Variants in BBS4 observed in about 807,000 individuals in gnomAD.
BBS4 encodes the protein Bardet-Biedl syndrome 4, also known as BBSome complex member BBS4.
A neutral mutation model predicts 71.4 loss-of-function variants in BBS4; 58 were observed. The observed-to-expected ratio is 0.81, with a 90% confidence interval of 0.66 to 1.01. The LOEUF (loss-of-function observed/expected upper bound fraction) is 1.01. BBS4 is among the 50% of genes least tolerant of loss of function. The probability of loss-of-function intolerance (pLI) is 0.00; values close to 1 mark genes in which losing one functional copy is unlikely to be tolerated. For synonymous variants in BBS4, 228 were observed against 216.8 expected (o/e 1.05, Z -0.46); for missense variants, 660 against 607.9 (o/e 1.09, Z -0.90).
In BBS4 at chr15:72,708,796, A is replaced by T. The variant is rs565309750; in HGVS notation, c.77-904A>T. On this transcript the variant is annotated intron_variant, in intron 2 of 15. Transcript: ENST00000268057. ...AGGGCATGTCTGTCTTATGCTGTTGACATAAGGACTGAAATACACCCTGGT... is the reference window on the plus strand; with the variant it reads ...AGGGCATGTCTGTCTTATGCTGTTGTCATAAGGACTGAAATACACCCTGGT... Among the ~76,000 whole-genome samples the T allele has an allele frequency of 3.3e-4, 51 of 152,280 alleles. No individual in the cohort carries two copies. In the South Asian group the frequency reaches 3.5e-3, roughly 11 times the overall value.
At chr15:72,719,489 C>T (rs1487931965) in intron 6 of BBS4, among the ~76,000 whole-genome samples, 1 of 151,898 alleles carries the variant, frequency 6.6e-6, no homozygotes, top group African/African-American at 2.4e-5. Context: ...TCAAGTGATC[C>T]TCCTGCTTTA....
chr15:72,737,093 G>GA (rs978553325), intron 15 of BBS4, 130 bp downstream of exon 15: 107 of 1,153,526 alleles, frequency 9.3e-5, no homozygotes, highest in Middle Eastern at 2.8e-4. Flanking sequence ...CACAAGGGGA[G>GA]AAAAAAAACA....
intron 4 of BBS4, among the ~76,000 whole-genome samples, chr15:72,714,204 A>T (rs1360454678): frequency 6.6e-6 from 1 of 150,858 alleles, no homozygotes; most frequent in Non-Finnish European, 1.5e-5. Flanking sequence ...AACCAAAGAT[A>T]AGGACCACTC....
intron 12 of BBS4, 46 bp downstream of exon 12, chr15:72,731,772 G>A (rs745808118): frequency 6.2e-6 from 10 of 1,606,216 alleles, no homozygotes; most frequent in Non-Finnish European, 8.5e-6. Context: ...TCTGTAATGA[G>A]GGAAAAATGG....
At chr15:72,716,320 C>T (rs761675448) in intron 5 of BBS4, among the ~76,000 whole-genome samples, 6 of 152,138 alleles carry the variant, frequency 3.9e-5, no homozygotes, top group Non-Finnish European at 8.8e-5. Context: ...GCCATTCATA[C>T]CTGTGTTGTT....
intron 3 of BBS4, among the ~76,000 whole-genome samples, chr15:72,710,195 G>GTTCT (rs1239689474): frequency 0.44 from 45,296 of 102,478 alleles, 12,978 homozygotes; most frequent in Non-Finnish European, 0.55. Flanking sequence ...ATTTTGTCGA[G>GTTCT]TTTTTTTTTT....
chr15:72,696,410 C>T (rs568522420), intron 2 of BBS4, among the ~76,000 whole-genome samples: 61 of 152,132 alleles, frequency 4.0e-4, no homozygotes, highest in Middle Eastern at 3.4e-3. Context: ...TTCTGAGTTT[C>T]GACAAATGAA....
chr15:72,729,800 G>C, intron 10 of BBS4, 116 bp downstream of exon 10: 1 of 839,390 alleles, frequency 1.2e-6, no homozygotes, highest in Non-Finnish European at 2.0e-6. Flanking sequence ...CTGAGAAATA[G>C]AAAAAATATA....
intron 3 of BBS4, among the ~76,000 whole-genome samples, chr15:72,711,878 T>C (rs1410298851): frequency 6.6e-6 from 1 of 152,096 alleles, no homozygotes; most frequent in Non-Finnish European, 1.5e-5. Context: ...TTGTTTTCTT[T>C]TTTTTTTCAG....
At chr15:72,719,831 C>CCT (rs1040121347) in intron 6 of BBS4, among the ~76,000 whole-genome samples, 4 of 150,170 alleles carry the variant, frequency 2.7e-5, no homozygotes, top group African/African-American at 9.8e-5. Context: ...CTCACTGCAA[C>CCT]CTCTGCCTCC....
intron 9 of BBS4, 125 bp downstream of exon 9, chr15:72,728,119 A>G (rs1354194334): frequency 5.6e-6 from 4 of 712,252 alleles, no homozygotes; most frequent in African/African-American, 5.3e-5. Context: ...CATGAACTAC[A>G]CTCTCTCTAT....
chr15:72,690,004 G>A (rs2064955945), intron 1 of BBS4, among the ~76,000 whole-genome samples: 1 of 151,988 alleles, frequency 6.6e-6, no homozygotes, highest in African/African-American at 2.4e-5. Context: ...TAGAGACGGG[G>A]TTTCACCGTG....
In BBS4 at chr15:72,686,251, G is replaced by A; in HGVS notation, c.24G>A (p.Thr8=). The A allele has an allele frequency of 6.4e-7, 1 of 1,565,322 alleles. No individual in the cohort carries two copies. The highest frequency in any genetic ancestry group is 1.4e-5 in the African/African-American group (1 of 73,856). ...AAATGGCTGAGGAGAGAGTCGCGAC[G>A]GTGAGCGCCGAGATTCTCTTTAGTT... MAEERVA[T]RTQFPVSTES... is the part of the protein sequence containing the mutation. Residue 8 remains threonine, a splice_region_variant and synonymous_variant, in exon 1 of 16, where the codon ACG becomes ACA. Coordinates refer to ENST00000268057, the MANE Select transcript of BBS4 (RefSeq NM_033028.5).
At chr15:72,726,911 C>A (rs2065713108) in intron 8 of BBS4, among the ~76,000 whole-genome samples, 1 of 152,312 alleles carries the variant, frequency 6.6e-6, no homozygotes, top group East Asian at 1.9e-4. Context: ...GAAATGTGGA[C>A]AGCTAAAATC....
intron 2 of BBS4, among the ~76,000 whole-genome samples, chr15:72,708,060 A>G (rs2065296982): frequency 6.6e-6 from 1 of 151,134 alleles, no homozygotes; most frequent in Non-Finnish European, 1.5e-5. Flanking sequence ...TCCTTCTCCC[A>G]GGTTCAAGTG....
chr15:72,712,185 C>G (rs914493265), intron 3 of BBS4, 59 bp from the exon 4 acceptor site: 5 of 1,540,062 alleles, frequency 3.2e-6, no homozygotes, highest in Non-Finnish European at 4.5e-6. Context: ...TCCACTTTTT[C>G]TTAAAGACAC....
intron 12 of BBS4, 80 bp downstream of exon 12, chr15:72,731,806 G>C: frequency 6.4e-7 from 1 of 1,555,074 alleles, no homozygotes; most frequent in Non-Finnish European, 8.8e-7. Context: ...AAGATCAGTG[G>C]CTGTCTCATA....
intron 15 of BBS4, 107 bp downstream of exon 15, chr15:72,737,070 A>G: frequency 7.4e-7 from 1 of 1,349,212 alleles, no homozygotes; most frequent in South Asian, 1.2e-5. Flanking sequence ...CATATGTCCA[A>G]CGTAGTATTG....
rs111879777 is a variant in BBS4, at chr15:72,720,220, T to C, written c.406-2574T>C. 9.7e-3 allele frequency among the ~76,000 whole-genome samples: 1,482 copies of C among 152,058 alleles called. 29 individuals carry two copies. Among genetic ancestry groups the C allele is most frequent in the African/African-American group, 0.034 (1,398 of 41,490 alleles). On this transcript the variant is annotated intron_variant, in intron 6 of 15. Coordinates refer to ENST00000268057, the MANE Select transcript of BBS4 (RefSeq NM_033028.5). ...ATAGTAGCTGGAGCATGGTGGCTCA[T>C]ACCTGTAATACCAGCACTTTAAAAG...
Sources: allele counts gnomAD v4.1 joint callset (sites outside exome capture counted in the v4.1 genomes callset), GRCh38; gene constraint gnomAD v4.1.1; transcripts MANE v1.5; gene names NCBI Gene and HGNC (gene_info 2026-07-23, HGNC 2026-07-21).